HSD17B4: variants seen among roughly 807,000 people sequenced by gnomAD.
HSD17B4 encodes hydroxysteroid 17-beta dehydrogenase 4, also known as peroxisomal multifunctional enzyme type 2.
HSD17B4 carries 70 observed loss-of-function variants against 101.0 expected under a neutral mutation model. The ratio of observed to expected loss-of-function variants is 0.69; its 90% CI spans 0.57 to 0.85. The LOEUF is 0.85. Ranked by LOEUF, HSD17B4 falls within the 40% of genes least tolerant of loss-of-function variation. The pLI is 0.00. For synonymous variants in HSD17B4, 347 were observed against 297.1 expected, an observed-to-expected ratio of 1.17 and a Z score of -1.73; for missense variants, 984 against 892.4, an observed-to-expected ratio of 1.10 and a Z score of -1.31.
In HSD17B4 at chr5:119,499,354, A is replaced by G; in HGVS notation, c.1010A>G (p.Tyr337Cys). The change falls in exon 13 of 24, where the codon TAT (tyrosine) becomes TGT (cysteine). Residue 337 changes from tyrosine (Y) to cysteine (C), a missense_variant. Transcript: ENST00000510025. ...AIGQKLPPFS[Y>C]AYTELEAIMY... is the part of the protein sequence containing the mutation. ...GGCCAGAAACTCCCTCCATTTTCTT[A>G]TGCTTATACGGAACTGGAAGCTATT... is the stretch of plus-strand genomic sequence containing the variant. 3.1e-6 allele frequency: 5 copies of G among 1,613,802 alleles called. No individual in the cohort carries two copies. Among genetic ancestry groups the G allele is most frequent in the Middle Eastern group, 3.3e-4 (2 of 6,058 alleles).
chr5:119,527,770 T>G (rs1753733716), intron 20 of HSD17B4, among the ~76,000 whole-genome samples: 1 of 152,158 alleles, frequency 6.6e-6, no homozygotes, highest in Non-Finnish European at 1.5e-5. Context: ...CAATAAAATC[T>G]TATCCTTTAT....
chr5:119,476,465 T>C (rs1748592930), intron 6 of HSD17B4: 5 of 627,866 alleles, frequency 8.0e-6, no homozygotes, highest in Non-Finnish European at 4.0e-6. Flanking sequence ...AAATGAACAG[T>C]GGTGGCTGAG....
chr5:119,491,432 C>G (rs1469397390), intron 9 of HSD17B4, among the ~76,000 whole-genome samples: 1 of 147,800 alleles, frequency 6.8e-6, no homozygotes, highest in East Asian at 2.0e-4. Context: ...AAGTGACAAA[C>G]AGATTTTCTT....
chr5:119,481,183 T>C (rs1749093443), intron 8 of HSD17B4, among the ~76,000 whole-genome samples: 1 of 152,174 alleles, frequency 6.6e-6, no homozygotes, highest in South Asian at 2.1e-4. Context: ...GTGATAAGTG[T>C]CCATGAAATC....
At chr5:119,529,227 A>G (rs909557226) in intron 20 of HSD17B4, among the ~76,000 whole-genome samples, 6 of 152,164 alleles carry the variant, frequency 3.9e-5, no homozygotes, top group East Asian at 1.9e-4. Flanking sequence ...AGCAATAACA[A>G]TTTTTATGAA....
chr5:119,466,721 C>T (rs1399539308), intron 2 of HSD17B4, among the ~76,000 whole-genome samples: 1 of 151,302 alleles, frequency 6.6e-6, no homozygotes, highest in Non-Finnish European at 1.5e-5. Flanking sequence ...TTTTGTTTAT[C>T]TTTTCAAAAA....
At chr5:119,474,229 C>G (rs1437399617) in intron 3 of HSD17B4, among the ~76,000 whole-genome samples, 172 bp from the exon 4 acceptor site, 1 of 152,068 alleles carries the variant, frequency 6.6e-6, no homozygotes, top group Non-Finnish European at 1.5e-5. Context: ...CTATTGTTTA[C>G]TATTTTTATT....
intron 2 of HSD17B4, among the ~76,000 whole-genome samples, chr5:119,465,692 G>A (rs976770584): frequency 1.3e-5 from 2 of 152,166 alleles, no homozygotes; most frequent in Admixed American, 6.5e-5. Flanking sequence ...CAACTTTACT[G>A]TATTCATTTA....
At chr5:119,477,743 G>C in intron 7 of HSD17B4, 1 of 476,638 alleles carries the variant, frequency 2.1e-6, no homozygotes, top group Non-Finnish European at 3.9e-6. Flanking sequence ...AGATTTTCTT[G>C]CTGCTCTCTG....
At chr5:119,537,204 G>T (rs1430971545) in intron 23 of HSD17B4, among the ~76,000 whole-genome samples, 1 of 152,064 alleles carries the variant, frequency 6.6e-6, no homozygotes, top group Non-Finnish European at 1.5e-5. Context: ...TTTCACATAG[G>T]AGTAATTTGA....
rs150677536 is a variant in HSD17B4 at position 119,489,235 on chromosome 5, C to T, written c.666C>T (p.Val222=). Residue 222 remains valine (V), a synonymous_variant, in exon 9 of 24, where the codon GTC becomes GTT. Coordinates refer to ENST00000510025, the MANE Select transcript of HSD17B4 (RefSeq NM_000414.4). ...AGCCAGAGTATGTGGCACCTCTTGT[C>T]CTTTGGCTTTGTCACGAGAGTTGTG... ...ALKPEYVAPL[V]LWLCHESCEE... is the part of the protein sequence containing the mutation. 42 of 1,612,692 alleles carry T rather than the reference C, an allele frequency of 2.6e-5. No individual in the cohort carries two copies. The Admixed American group carries it at 3.0e-4, about 12-fold the overall frequency.
intron 1 of HSD17B4, among the ~76,000 whole-genome samples, chr5:119,453,603 T>C (rs975726794): frequency 1.3e-5 from 2 of 152,222 alleles, no homozygotes; most frequent in Non-Finnish European, 2.9e-5. Flanking sequence ...CATGAATTAT[T>C]TGAGTTATAT....
intron 23 of HSD17B4, 135 bp downstream of exon 23, chr5:119,536,685 T>TGAA: frequency 1.3e-6 from 1 of 792,736 alleles, no homozygotes; most frequent in South Asian, 1.5e-5. Context: ...CAGTTGCTAC[T>TGAA]GATACTCTGG....
chr5:119,465,891 T>G (rs190202036), intron 2 of HSD17B4, among the ~76,000 whole-genome samples: 2 of 152,228 alleles, frequency 1.3e-5, no homozygotes, highest in Non-Finnish European at 2.9e-5. Flanking sequence ...TGGGCATTTT[T>G]ATTTTGTTCC....
At chr5:119,512,483 T>A (rs1274375166) in intron 16 of HSD17B4, among the ~76,000 whole-genome samples, 1 of 151,850 alleles carries the variant, frequency 6.6e-6, no homozygotes, top group Non-Finnish European at 1.5e-5. Flanking sequence ...CCTAATAAGA[T>A]TAAGAGCTGA....
chr5:119,465,625 C>T (rs530495380), intron 2 of HSD17B4, among the ~76,000 whole-genome samples: 9 of 152,276 alleles, frequency 5.9e-5, no homozygotes, highest in Admixed American at 4.6e-4. Flanking sequence ...CAGAAGTAGC[C>T]TGACACATTG....
intron 8 of HSD17B4, among the ~76,000 whole-genome samples, chr5:119,481,983 A>AT (rs1749182490): frequency 6.6e-6 from 1 of 151,790 alleles, no homozygotes; most frequent in East Asian, 1.9e-4. Context: ...CGTATGATGT[A>AT]TTTAGGTGGA....
intron 2 of HSD17B4, among the ~76,000 whole-genome samples, chr5:119,462,880 A>G (rs564795173): frequency 1.6e-4 from 25 of 152,288 alleles, no homozygotes; most frequent in African/African-American, 5.5e-4. Flanking sequence ...TCTTCTAGCT[A>G]TTTGAAAATA....
At chr5:119,482,163 C>T (rs555917837) in intron 8 of HSD17B4, among the ~76,000 whole-genome samples, 17 of 152,190 alleles carry the variant, frequency 1.1e-4, no homozygotes, top group African/African-American at 3.9e-4. Flanking sequence ...GTAATTGTCC[C>T]ACAGTTCTTA....
Sources: allele counts gnomAD v4.1 joint callset (sites outside exome capture counted in the v4.1 genomes callset), GRCh38; gene constraint gnomAD v4.1.1; transcripts MANE v1.5; gene names NCBI Gene and HGNC (gene_info 2026-07-23, HGNC 2026-07-21).